Variants in SEM1 observed in about 807,000 individuals in gnomAD.
The protein encoded by SEM1 is 26S proteasome complex subunit SEM1.
In SEM1, 3 loss-of-function variants were observed where a neutral mutation model predicts 12.7. The observed-to-expected ratio is 0.24, with a 90% CI of 0.11 to 0.61. The LOEUF (loss-of-function observed/expected upper bound fraction) is 0.61. Ranked by LOEUF, SEM1 falls within the 20% of genes least tolerant of loss-of-function variation. SEM1 has a pLI of 0.88. For missense variants in SEM1, 59 were observed against 81.3 expected (o/e 0.73, Z 1.06); for synonymous variants, 30 against 27.8 (o/e 1.08, Z -0.25).
chr7:96,594,391 AT>A (rs1356924068), intron 2 of SEM1, among the ~76,000 whole-genome samples: 1 of 150,786 alleles, frequency 6.6e-6, no homozygotes, highest in Non-Finnish European at 1.5e-5. Context: ...TTCTGGGAAT[AT>A]GAAAACCCCC....
intron 2 of SEM1, among the ~76,000 whole-genome samples, chr7:96,601,060 A>AT (rs957797239): frequency 7.2e-5 from 11 of 152,190 alleles, no homozygotes; most frequent in African/African-American, 2.7e-4. Context: ...ATAACCAGAG[A>AT]TCCCCAGTAG....
intron 2 of SEM1, among the ~76,000 whole-genome samples, chr7:96,609,603 A>C (rs951486146): frequency 6.6e-6 from 1 of 152,196 alleles, no homozygotes; most frequent in African/African-American, 2.4e-5. Flanking sequence ...TTTAACTACA[A>C]TACCATGCAT....
chr7:96,592,291 A>G (rs949477458), intron 2 of SEM1, among the ~76,000 whole-genome samples: 1 of 151,978 alleles, frequency 6.6e-6, no homozygotes, highest in South Asian at 2.1e-4. Flanking sequence ...ATAATTGACC[A>G]AGATTTTTCA....
intron 2 of SEM1, among the ~76,000 whole-genome samples, chr7:96,678,309 T>A (rs1219766146): frequency 2.6e-5 from 4 of 152,148 alleles, no homozygotes; most frequent in Non-Finnish European, 5.9e-5. Flanking sequence ...AGATGCTTTT[T>A]AAGCATCCAT....
In SEM1 at chr7:96,557,449, C is replaced by T. The variant is rs1337712845; in HGVS notation, c.171-50751G>A. 2.4e-3 allele frequency among the ~76,000 whole-genome samples: 270 copies of T among 114,038 alleles called. 1 individual carries two copies. Among genetic ancestry groups the T allele is most frequent in the African/African-American group, 6.4e-3 (231 of 35,912 alleles). The allele number at this position is 114,038 out of a possible 152,430, so 74.8% of individuals were successfully genotyped here. A position where few individuals can be genotyped will look rare whatever the true frequency, so the allele number is the denominator to read the frequency against. On this transcript the variant is annotated intron_variant and NMD_transcript_variant, in intron 2 of 3. Transcript: ENST00000466986. ...CTGCAGGTCTGTTGGAATACCCTGCCGTGTGAGGTGTCAGTGTGCCCCTGC... is the reference window on the plus strand; with the variant it reads ...CTGCAGGTCTGTTGGAATACCCTGCTGTGTGAGGTGTCAGTGTGCCCCTGC...
chr7:96,574,868 T>C (rs377370878), intron 2 of SEM1, among the ~76,000 whole-genome samples: 1 of 152,226 alleles, frequency 6.6e-6, no homozygotes, highest in African/African-American at 2.4e-5. Flanking sequence ...TCCTCTAACC[T>C]TTTTTCAAGG....
intron 2 of SEM1, among the ~76,000 whole-genome samples, chr7:96,515,931 TGAG>T (rs1804081441): frequency 6.6e-6 from 1 of 152,022 alleles, no homozygotes; most frequent in African/African-American, 2.4e-5. Context: ...ATGTAAATGA[TGAG>T]TTGATGGGTG....
At chr7:96,549,424 A>G (rs1481424078) in intron 2 of SEM1, among the ~76,000 whole-genome samples, 1 of 152,216 alleles carries the variant, frequency 6.6e-6, no homozygotes, top group Non-Finnish European at 1.5e-5. Flanking sequence ...AGAATGTCCA[A>G]TAACAGAAAC....
At chr7:96,701,559 G>T (rs1410452598) in intron 1 of SEM1, among the ~76,000 whole-genome samples, 2 of 152,040 alleles carry the variant, frequency 1.3e-5, no homozygotes, top group Non-Finnish European at 2.9e-5. Flanking sequence ...ATGCTATTTT[G>T]TTATGGTAGC....
At chr7:96,654,099 A>G (rs1483829483) in intron 2 of SEM1, among the ~76,000 whole-genome samples, 3 of 152,348 alleles carry the variant, frequency 2.0e-5, no homozygotes, top group East Asian at 1.9e-4. Context: ...AGGAAGCCCT[A>G]TATTTGTAAT....
chr7:96,702,815 A>ATTGG (rs1790310434), intron 1 of SEM1, among the ~76,000 whole-genome samples: 1 of 152,226 alleles, frequency 6.6e-6, no homozygotes, highest in Non-Finnish European at 1.5e-5. Context: ...TGTTCCACCT[A>ATTGG]AAAAGATGTC....
chr7:96,575,362 C>T (rs1806170543), intron 2 of SEM1, among the ~76,000 whole-genome samples: 2 of 152,110 alleles, frequency 1.3e-5, no homozygotes, highest in Admixed American at 1.3e-4. Context: ...GGGTCACCTG[C>T]CAGATGCCAG....
At chr7:96,543,428 C>A (rs772909103) in intron 2 of SEM1, among the ~76,000 whole-genome samples, 18 of 151,826 alleles carry the variant, frequency 1.2e-4, no homozygotes, top group Non-Finnish European at 1.5e-5. Context: ...TATACATTCA[C>A]AAGCACATGC....
chr7:96,561,233 C>T (rs945952463), intron 2 of SEM1, among the ~76,000 whole-genome samples: 1 of 152,132 alleles, frequency 6.6e-6, no homozygotes, highest in South Asian at 2.1e-4. Flanking sequence ...TTCCACATGA[C>T]AAAATATTTA....
chr7:96,602,324 A>G lies in SEM1; in HGVS notation c.170+92474T>C, dbSNP rs75425100. On this transcript the variant is annotated intron_variant and NMD_transcript_variant, in intron 2 of 3. Coordinates refer to the SEM1 transcript ENST00000466986. ...TATCCAGATTTCTTTCCTCTGTTGA[A>G]AATGGGATGATGTGGAAAATATGAC... Among the ~76,000 whole-genome samples, 590 of 152,316 alleles carry G rather than the reference A, an allele frequency of 3.9e-3. 3 individuals are homozygous for G. The highest frequency in any genetic ancestry group is 0.013 in the African/African-American group (558 of 41,558).
chr7:96,628,408 G>A (rs78963637), intron 2 of SEM1, among the ~76,000 whole-genome samples: 4,125 of 151,846 alleles, frequency 0.027, 70 homozygotes, highest in Middle Eastern at 0.051. Flanking sequence ...TGTAGCCATC[G>A]TATGTTATTA....
At chr7:96,690,219 T>C (rs1036610965) in intron 2 of SEM1, among the ~76,000 whole-genome samples, 2 of 152,158 alleles carry the variant, frequency 1.3e-5, no homozygotes, top group African/African-American at 2.4e-5. Flanking sequence ...TTTTCTACTC[T>C]GTAGAATATT....
At chr7:96,707,395 C>CA (rs1195935278) in intron 1 of SEM1, among the ~76,000 whole-genome samples, 5 of 152,120 alleles carry the variant, frequency 3.3e-5, no homozygotes, top group African/African-American at 7.2e-5. Flanking sequence ...GATTTTCTCA[C>CA]AAATTCAAAT....
chr7:96,486,435 G>A, intron 1 of SEM1: 1 of 1,533,478 alleles, frequency 6.5e-7, no homozygotes, highest in Non-Finnish European at 8.7e-7. Flanking sequence ...GGAAGTTGAA[G>A]GTATTATCCT....
Sources: gnomAD v4.1 joint callset for allele counts (sites outside exome capture counted in the v4.1 genomes callset) on GRCh38, gnomAD v4.1.1 for gene constraint, MANE v1.5 for transcripts, NCBI Gene and HGNC (gene_info 2026-07-23, HGNC 2026-07-21) for gene names.